PARD3B: variants seen among roughly 807,000 people sequenced by gnomAD.
PARD3B encodes partitioning defective 3 homolog B.
PARD3B carries 103 observed loss-of-function variants against 130.2 expected under a neutral mutation model. The ratio of observed to expected loss-of-function variants is 0.79; its 90% confidence interval spans 0.67 to 0.93. PARD3B has a LOEUF of 0.93. Among genes scored for constraint, PARD3B ranks in the 40% least tolerant of loss-of-function variants. The pLI is 0.00. For synonymous variants in PARD3B, 583 were observed against 553.2 expected (o/e 1.05, Z -0.76); for missense variants, 1,609 against 1,499.2 (o/e 1.07, Z -1.21).
chr2:205,227,164 G>A lies in PARD3B; in HGVS notation c.2141-18614G>A, dbSNP rs374765986. Among the ~76,000 whole-genome samples the A allele has an allele frequency of 7.2e-5, 11 of 152,030 alleles. No homozygotes were observed. The East Asian group carries it at 1.5e-3, about 21-fold the overall frequency. ...AGAATGTGTATTCTGCAGCCATTGT[G>A]GGAAATGTTCTATGAACATCTATTT... On this transcript the variant is annotated intron_variant, in intron 15 of 22. Coordinates refer to ENST00000406610, the MANE Select transcript of PARD3B (RefSeq NM_001302769.2).
chr2:205,152,715 C>T (rs1262545357), intron 10 of PARD3B, among the ~76,000 whole-genome samples: 5 of 152,146 alleles, frequency 3.3e-5, no homozygotes, highest in Admixed American at 6.5e-5. Context: ...TCCTTTAGCT[C>T]GGAGAAGTTT....
intron 2 of PARD3B, among the ~76,000 whole-genome samples, chr2:204,916,043 G>C (rs1045126380): frequency 6.6e-6 from 1 of 152,210 alleles, no homozygotes; most frequent in Admixed American, 6.5e-5. Flanking sequence ...AGTCAAGGGA[G>C]AGTGGGATGT....
At chr2:204,917,387 C>A (rs560391937) in intron 2 of PARD3B, among the ~76,000 whole-genome samples, 1 of 152,140 alleles carries the variant, frequency 6.6e-6, no homozygotes, top group Non-Finnish European at 1.5e-5. Context: ...ATAGTGGCTT[C>A]TATTTTGGGT....
chr2:205,181,988 G>A (rs979626560), intron 13 of PARD3B, among the ~76,000 whole-genome samples: 43 of 152,312 alleles, frequency 2.8e-4, no homozygotes, highest in African/African-American at 1.0e-3. Context: ...ATCTGAATAT[G>A]TTGTTTAAAA....
chr2:204,604,829 G>A (rs2125109179), intron 1 of PARD3B, among the ~76,000 whole-genome samples: 1 of 152,084 alleles, frequency 6.6e-6, no homozygotes, highest in East Asian at 1.9e-4. Context: ...ATATCTCTTG[G>A]GCTTGTGGGT....
chr2:205,184,784 A>G (rs1465834673), intron 13 of PARD3B, among the ~76,000 whole-genome samples: 2 of 146,024 alleles, frequency 1.4e-5, no homozygotes, highest in Non-Finnish European at 3.0e-5. Context: ...ACACACACAT[A>G]TATATATATA....
chr2:205,223,997 G>C (rs928078569), intron 15 of PARD3B, among the ~76,000 whole-genome samples: 13 of 151,384 alleles, frequency 8.6e-5, no homozygotes, highest in African/African-American at 3.2e-4. Flanking sequence ...CCAGGAGGTG[G>C]AGCTTACAGT....
intron 2 of PARD3B, among the ~76,000 whole-genome samples, chr2:204,717,970 A>G (rs2038813865): frequency 6.6e-6 from 1 of 152,152 alleles, no homozygotes; most frequent in African/African-American, 2.4e-5. Flanking sequence ...ATTTACATAT[A>G]TTACATGTCT....
intron 2 of PARD3B, among the ~76,000 whole-genome samples, chr2:204,858,665 G>C (rs529354760): frequency 1.3e-5 from 2 of 150,756 alleles, no homozygotes; most frequent in East Asian, 3.9e-4. Flanking sequence ...GATTATAGCT[G>C]TTCTTGCCAT....
intron 22 of PARD3B, among the ~76,000 whole-genome samples, chr2:205,609,216 T>TA (rs1196338712): frequency 1.3e-5 from 2 of 152,180 alleles, no homozygotes; most frequent in Non-Finnish European, 2.9e-5. Flanking sequence ...AACCTGACAC[T>TA]AAAGGAATTC....
At chr2:204,833,523 C>T in intron 2 of PARD3B, among the ~76,000 whole-genome samples, 1 of 152,022 alleles carries the variant, frequency 6.6e-6, no homozygotes, top group Non-Finnish European at 1.5e-5. Context: ...GGAGCTCCCA[C>T]AATTCCCATG....
chr2:204,946,237 G>A (rs565799461), intron 2 of PARD3B, among the ~76,000 whole-genome samples: 1 of 152,114 alleles, frequency 6.6e-6, no homozygotes, highest in Non-Finnish European at 1.5e-5. Flanking sequence ...ACAGTGCTTG[G>A]CCTGTTACAA....
At chr2:205,395,551 G>A (rs1174892624) in intron 18 of PARD3B, among the ~76,000 whole-genome samples, 1 of 151,952 alleles carries the variant, frequency 6.6e-6, no homozygotes, top group Non-Finnish European at 1.5e-5. Context: ...ACTTAGGCAT[G>A]GACTCATCTA....
At chr2:204,588,733 C>A (rs1168155661) in intron 1 of PARD3B, among the ~76,000 whole-genome samples, 6 of 152,154 alleles carry the variant, frequency 3.9e-5, no homozygotes, top group Non-Finnish European at 1.5e-5. Flanking sequence ...GTATTCCCCA[C>A]TTTATCCAAA....
rs1458423309 is a variant in PARD3B, at chr2:204,890,347, G to GT, written c.223-74801dup. 1.3e-5 allele frequency among the ~76,000 whole-genome samples: 2 copies of GT among 152,148 alleles called. No homozygotes were observed. The highest frequency in any genetic ancestry group is 1.3e-4 in the Admixed American group (2 of 15,266). ...GCATAATGGTCTTGGGAATGCTTGT[G>GT]TTTTCCTAATATATCCAGAAGGAGA... On this transcript the variant is annotated intron_variant, in intron 2 of 22. Coordinates refer to ENST00000406610, the MANE Select transcript of PARD3B (RefSeq NM_001302769.2). This position sits in a 1 kb window ranked among gnomAD's most constrained non-coding sequence, Gnocchi z 4.9.
chr2:204,811,836 A>G (rs1348123218), intron 2 of PARD3B, among the ~76,000 whole-genome samples: 1 of 152,044 alleles, frequency 6.6e-6, no homozygotes, highest in East Asian at 1.9e-4. Context: ...CAAAAAACTA[A>G]TGTTTGCATA....
chr2:205,061,345 A>T (rs1480007648), intron 4 of PARD3B, among the ~76,000 whole-genome samples: 2 of 152,154 alleles, frequency 1.3e-5, no homozygotes, highest in African/African-American at 4.8e-5. Flanking sequence ...TGTAAACATG[A>T]CTGCTTGGTT....
Position 205,160,917 on chromosome 2 carries a change from T to C in PARD3B, c.1620+2010T>C, listed in dbSNP as rs1457250379. 2.0e-5 allele frequency among the ~76,000 whole-genome samples: 3 copies of C among 152,188 alleles called. No individual in the cohort carries two copies. Among genetic ancestry groups the C allele is most frequent in the Admixed American group, 2.0e-4 (3 of 15,284 alleles). On this transcript the variant is annotated intron_variant, in intron 11 of 22. Transcript: ENST00000406610. This position sits in a 1 kb window ranked among gnomAD's most constrained non-coding sequence, Gnocchi z 4.0. ...GTTATGCTGCACTGAAATGAAGCTC[T>C]TCCATATGATCCATTCATGTTCCTA...
rs1241686050 is a variant in PARD3B at position 205,268,738 on chromosome 2, A to C, written c.2185+22916A>C. ...TATAATTTTGAGGAATATAGTGCCAATTTGACAGAAGAGACTTCTCAGCTC... is the reference window on the plus strand; with the variant it reads ...TATAATTTTGAGGAATATAGTGCCACTTTGACAGAAGAGACTTCTCAGCTC... On this transcript the variant is annotated intron_variant, in intron 16 of 22. Transcript: ENST00000406610. This position sits in a 1 kb window ranked among gnomAD's most constrained non-coding sequence, Gnocchi z 4.1. Among the ~76,000 whole-genome samples, 1 of 152,170 alleles carries C rather than the reference A, an allele frequency of 6.6e-6. No individual in the cohort carries two copies. Among genetic ancestry groups the C allele is most frequent in the African/African-American group, 2.4e-5 (1 of 41,448 alleles).
Sources: allele counts gnomAD v4.1 joint callset (sites outside exome capture counted in the v4.1 genomes callset), GRCh38; gene constraint gnomAD v4.1.1; non-coding constraint Gnocchi (gnomAD v3.1); transcripts MANE v1.5; gene names NCBI Gene and HGNC (gene_info 2026-07-23, HGNC 2026-07-21).